Variants in PLCG2 observed in about 807,000 individuals in gnomAD.
PLCG2 encodes the protein 1-phosphatidylinositol 4,5-bisphosphate phosphodiesterase gamma-2.
PLCG2 carries 69 observed loss-of-function variants against 175.6 expected under a neutral mutation model. The observed-to-expected ratio is 0.39, with a 90% CI of 0.32 to 0.48. The LOEUF is 0.48. Ranked by LOEUF, PLCG2 falls within the 20% of genes least tolerant of loss-of-function variation. The pLI, the probability that PLCG2 is intolerant of heterozygous loss-of-function variation, is 0.91. For missense variants in PLCG2, 1,798 were observed against 1,650.9 expected, an observed-to-expected ratio of 1.09 and a Z score of -1.54; for synonymous variants, 827 against 624.0, an observed-to-expected ratio of 1.33 and a Z score of -4.85.
At chr16:81,752,525 GC>G (rs1174136653) in intron 1 of PLCG2, among the ~76,000 whole-genome samples, 1 of 152,194 alleles carries the variant, frequency 6.6e-6, no homozygotes, top group African/African-American at 2.4e-5. Flanking sequence ...GAGTGGCTCA[GC>G]CCCTCGGCTG....
chr16:81,921,162 G>C (rs1452017238), intron 20 of PLCG2, 36 bp from the exon 21 acceptor site: 6 of 1,289,892 alleles, frequency 4.7e-6, no homozygotes, highest in Middle Eastern at 3.7e-4. Flanking sequence ...CCAGGAGCAT[G>C]GATTATTCCA....
rs762248145 is a variant in PLCG2, at chr16:81,869,205, C to G, written c.480-9C>G. The G allele has an allele frequency of 1.2e-6, 2 of 1,612,236 alleles. No individual in the cohort carries two copies. The highest frequency in any genetic ancestry group is 2.2e-5 in the South Asian group (2 of 91,046). On this transcript the variant is annotated splice_polypyrimidine_tract_variant and intron_variant, in intron 5 of 32. Coordinates refer to ENST00000564138, the MANE Select transcript of PLCG2 (RefSeq NM_002661.5). ...CAAGGTGACAGAACTGGGTCTCCCTCTTTTGCAGCATCAGTCTCCGAGAGT... is the reference window on the plus strand; with the variant it reads ...CAAGGTGACAGAACTGGGTCTCCCTGTTTTGCAGCATCAGTCTCCGAGAGT...
intron 30 of PLCG2, among the ~76,000 whole-genome samples, chr16:81,945,243 G>C (rs954359766): frequency 6.6e-6 from 1 of 152,220 alleles, no homozygotes; most frequent in Non-Finnish European, 1.5e-5. Context: ...CTGAATGGTG[G>C]AAGGCACAGA....
In PLCG2 at chr16:81,939,998, T is replaced by C. The variant is rs746749620; in HGVS notation, c.3420T>C (p.Asp1140=). ...TGCGCTTTGTGGTTTATGAAGAAGA[T>C]ATGTTCAGCGATCCCAACTTTCTTG... ...AFLRFVVYEE[D]MFSDPNFLAH... The change falls in exon 30 of 33, where the codon GAT becomes GAC. Residue 1140 remains aspartate, a synonymous_variant. Transcript: ENST00000564138. The C allele has an allele frequency of 8.7e-6, 14 of 1,613,992 alleles. No homozygotes were observed. The African/African-American group carries it at 1.3e-4, about 15-fold the overall frequency.
At chr16:81,764,546 G>A (rs769163467) in intron 2 of PLCG2, among the ~76,000 whole-genome samples, 14 of 152,152 alleles carry the variant, frequency 9.2e-5, no homozygotes, top group Non-Finnish European at 1.8e-4. Flanking sequence ...AGCGTGCCCC[G>A]TGCAGGTCTC....
chr16:81,812,744 T>C (rs1904371900), intron 2 of PLCG2, among the ~76,000 whole-genome samples: 1 of 152,240 alleles, frequency 6.6e-6, no homozygotes, highest in South Asian at 2.1e-4. Context: ...ATGAAGTCTT[T>C]GCCCATGCCT....
At chr16:81,896,406 A>G (rs903524344) in intron 13 of PLCG2, among the ~76,000 whole-genome samples, 3 of 142,426 alleles carry the variant, frequency 2.1e-5, no homozygotes, top group African/African-American at 7.9e-5. Context: ...ACACACACAC[A>G]CACACACACA....
intron 2 of PLCG2, among the ~76,000 whole-genome samples, chr16:81,852,705 G>C (rs1019097082): frequency 6.6e-6 from 1 of 152,206 alleles, no homozygotes; most frequent in African/African-American, 2.4e-5. Flanking sequence ...GTGTTTAGTG[G>C]CTTAAGACAA....
At chr16:81,874,302 C>A (rs1907662920) in intron 7 of PLCG2, among the ~76,000 whole-genome samples, 1 of 152,228 alleles carries the variant, frequency 6.6e-6, no homozygotes, top group Non-Finnish European at 1.5e-5. Flanking sequence ...TCTGTCTGCT[C>A]ATTTATGTTG....
chr16:81,839,143 T>C (rs1454551102), intron 2 of PLCG2, among the ~76,000 whole-genome samples: 1 of 152,216 alleles, frequency 6.6e-6, no homozygotes, highest in African/African-American at 2.4e-5. Flanking sequence ...GTTACTGGTT[T>C]TCTTTTTGCC....
intron 2 of PLCG2, among the ~76,000 whole-genome samples, chr16:81,838,085 TC>T (rs5818354): frequency 0.76 from 112,748 of 149,222 alleles, 42,710 homozygotes; most frequent in Non-Finnish European, 0.81. Flanking sequence ...ATACTAATTT[TC>T]TTTTTTTTTT....
At chr16:81,784,571 A>T (rs1389046264) in intron 1 of PLCG2, among the ~76,000 whole-genome samples, 1 of 152,224 alleles carries the variant, frequency 6.6e-6, no homozygotes, top group Non-Finnish European at 1.5e-5. Context: ...ACAGAGTAAC[A>T]ACTCCAGGCA....
At chr16:81,747,305 C>A (rs765379336) in intron 1 of PLCG2, among the ~76,000 whole-genome samples, 2 of 152,092 alleles carry the variant, frequency 1.3e-5, no homozygotes, top group Non-Finnish European at 2.9e-5. Flanking sequence ...GAGGCTGAGG[C>A]GGGCAGATCA....
intron 14 of PLCG2, among the ~76,000 whole-genome samples, chr16:81,902,626 G>A (rs1909198636): frequency 6.6e-6 from 1 of 151,906 alleles, no homozygotes; most frequent in African/African-American, 2.4e-5. Context: ...ACTTATGAGA[G>A]CTCTACCCTC....
At chr16:81,844,456 C>T (rs923000189) in intron 2 of PLCG2, among the ~76,000 whole-genome samples, 1 of 152,054 alleles carries the variant, frequency 6.6e-6, no homozygotes, top group African/African-American at 2.4e-5. Context: ...CTAGTAACTG[C>T]GATTACAGGT....
chr16:81,857,277 C>A (rs574156566), intron 3 of PLCG2, among the ~76,000 whole-genome samples: 85 of 152,272 alleles, frequency 5.6e-4, no homozygotes, highest in Admixed American at 1.4e-3. Flanking sequence ...TTCTCCTGAG[C>A]AGCTGGGGTT....
intron 2 of PLCG2, among the ~76,000 whole-genome samples, chr16:81,789,850 C>CG (rs900318816): frequency 4.7e-5 from 7 of 149,362 alleles, no homozygotes; most frequent in Non-Finnish European, 7.5e-5. Context: ...CTTTGCCCCC[C>CG]CTCCATTGCC....
At position 81,960,116 on chromosome 16, in the gene PLCG2, T is replaced by A. The variant is rs1185904725; in HGVS notation, c.*2118T>A. On this transcript the variant is annotated 3_prime_UTR_variant, in exon 33 of 33. Coordinates refer to ENST00000564138, the MANE Select transcript of PLCG2 (RefSeq NM_002661.5). Reference sequence around the variant, plus strand: ...TCTGCCTAAAACTGTCTCCTTCTCCTGGTGCTACAACCGGAATCCACCATG... The same window carrying A: ...TCTGCCTAAAACTGTCTCCTTCTCCAGGTGCTACAACCGGAATCCACCATG... 4.6e-6 allele frequency: 1 copy of A among 219,594 alleles called. No homozygotes were observed. The highest frequency in any genetic ancestry group is 2.2e-5 in the African/African-American group (1 of 44,540). The allele number at this position is 219,594 out of a possible 1,614,324, so 13.6% of individuals were successfully genotyped here.
At position 81,893,739 on chromosome 16, in the gene PLCG2, G is replaced by C; in HGVS notation, c.1017G>C (p.Glu339Asp). 1 of 1,612,582 alleles carries C rather than the reference G, an allele frequency of 6.2e-7. No homozygotes were observed. The change falls in exon 12 of 33, where the codon GAG becomes GAC. Residue 339 changes from glutamate to aspartate, a missense_variant. Transcript: ENST00000564138. Reference protein sequence around the residue: ...TYLTGDQLRSESSPEAYIRCL... With the variant: ...TYLTGDQLRSDSSPEAYIRCL... ...TTACAGGTGACCAGCTGCGGAGCGA[G>C]TCGTCCCCAGAAGCTTACATCCGCT...
Sources: allele counts gnomAD v4.1 joint callset (sites outside exome capture counted in the v4.1 genomes callset), GRCh38; gene constraint gnomAD v4.1.1; transcripts MANE v1.5; gene names NCBI Gene and HGNC (gene_info 2026-07-23, HGNC 2026-07-21).